JMY: variants seen among roughly 807,000 people sequenced by gnomAD.
The protein encoded by JMY is junction-mediating and -regulatory protein.
A neutral mutation model predicts 103.3 loss-of-function variants in JMY; 46 were observed. The observed-to-expected ratio is 0.45, with a 90% CI of 0.35 to 0.57. The LOEUF (loss-of-function observed/expected upper bound fraction) is 0.57, where lower values mean the gene tolerates loss of function less well. Ranked by LOEUF, JMY falls within the 20% of genes least tolerant of loss-of-function variation. JMY has a pLI of 0.00. For missense variants in JMY, 1,238 were observed against 1,255.2 expected (o/e 0.99, Z 0.21); for synonymous variants, 526 against 489.3 (o/e 1.07, Z -0.99).
intron 2 of JMY, among the ~76,000 whole-genome samples, chr5:79,287,875 G>A (rs1184431559): frequency 6.6e-6 from 1 of 152,142 alleles, no homozygotes; most frequent in Admixed American, 6.6e-5. Context: ...GTGTAATCAT[G>A]TCATTGAGAA....
intron 10 of JMY, among the ~76,000 whole-genome samples, chr5:79,316,777 G>A (rs1747237791): frequency 6.6e-6 from 1 of 151,646 alleles, no homozygotes; most frequent in Admixed American, 6.6e-5. Context: ...GTGGTGGCGG[G>A]CATCTGTAAT....
At chr5:79,277,589 G>A (rs1474838733) in intron 1 of JMY, among the ~76,000 whole-genome samples, 4 of 151,860 alleles carry the variant, frequency 2.6e-5, no homozygotes, top group South Asian at 2.1e-4. Flanking sequence ...AGCAAGCTGA[G>A]ATCGCACCAT....
At chr5:79,314,215 T>C in intron 8 of JMY, 42 bp from the exon 9 acceptor site, 3 of 1,548,608 alleles carry the variant, frequency 1.9e-6, no homozygotes, top group Non-Finnish European at 2.6e-6. Context: ...ATAAATTGTT[T>C]CAATAACATT....
chr5:79,304,328 A>G (rs1746821140), intron 6 of JMY, among the ~76,000 whole-genome samples: 1 of 152,190 alleles, frequency 6.6e-6, no homozygotes, highest in South Asian at 2.1e-4. Context: ...ATGTCTCCCT[A>G]TGTAACATAA....
At chr5:79,298,584 C>T (rs911327917) in intron 4 of JMY, among the ~76,000 whole-genome samples, 13 of 152,218 alleles carry the variant, frequency 8.5e-5, no homozygotes, top group African/African-American at 2.9e-4. Context: ...GGGTTATATA[C>T]GTTGTTTGTC....
intron 1 of JMY, among the ~76,000 whole-genome samples, chr5:79,239,527 C>T (rs1421538390): frequency 6.6e-6 from 1 of 152,148 alleles, no homozygotes; most frequent in African/African-American, 2.4e-5. Context: ...GACTGTCAGG[C>T]CGGTCGCGGT....
In JMY at chr5:79,322,376, C is replaced by CT. The variant is rs1245637785; in HGVS notation, c.*777dup. The CT allele has an allele frequency of 6.6e-6, 1 of 152,168 alleles. No individual in the cohort carries two copies. Among genetic ancestry groups the CT allele is most frequent in the African/African-American group, 2.4e-5 (1 of 41,434 alleles). The allele number at this position is 152,168 out of a possible 1,614,324, so 9.4% of individuals were successfully genotyped here. A position where few individuals can be genotyped will look rare whatever the true frequency, so the allele number is the denominator to read the frequency against. On this transcript the variant is annotated 3_prime_UTR_variant, in exon 11 of 11. Coordinates refer to ENST00000396137, the MANE Select transcript of JMY (RefSeq NM_152405.5). ...GCATCCTTGTTTATGGAAGGCAGTACTTTGATAATATTTCAAATTATTTTT... is the reference window on the plus strand; with the variant it reads ...GCATCCTTGTTTATGGAAGGCAGTACTTTTGATAATATTTCAAATTATTTTT...
chr5:79,246,601 G>T (rs769764507), intron 1 of JMY, among the ~76,000 whole-genome samples: 57 of 152,278 alleles, frequency 3.7e-4, no homozygotes, highest in Middle Eastern at 3.4e-3. Context: ...TAGGTATGTT[G>T]GCCGGGCACA....
intron 1 of JMY, among the ~76,000 whole-genome samples, chr5:79,263,557 C>A (rs1207901805): frequency 6.6e-6 from 1 of 152,154 alleles, no homozygotes; most frequent in Non-Finnish European, 1.5e-5. Context: ...CTACGCCTGG[C>A]TGATTTTTCA....
At chr5:79,247,158 A>G (rs1401372226) in intron 1 of JMY, among the ~76,000 whole-genome samples, 2 of 152,230 alleles carry the variant, frequency 1.3e-5, no homozygotes, top group Non-Finnish European at 2.9e-5. Flanking sequence ...CAATTGAAAT[A>G]TATGTTCAGT....
At chr5:79,266,359 G>C (rs959485137) in intron 1 of JMY, among the ~76,000 whole-genome samples, 1 of 152,222 alleles carries the variant, frequency 6.6e-6, no homozygotes, top group Non-Finnish European at 1.5e-5. Flanking sequence ...GCTGGGCACA[G>C]AGTGAGCAGT....
At chr5:79,272,424 CT>C (rs1056053934) in intron 1 of JMY, among the ~76,000 whole-genome samples, 10 of 151,364 alleles carry the variant, frequency 6.6e-5, no homozygotes, top group African/African-American at 2.2e-4. Context: ...TTTTGGTTTC[CT>C]TTTTTTTCTT....
chr5:79,281,299 C>T (rs1746103341), intron 2 of JMY, among the ~76,000 whole-genome samples: 1 of 151,232 alleles, frequency 6.6e-6, no homozygotes, highest in Non-Finnish European at 1.5e-5. Context: ...CCACCTCGGC[C>T]TCCCAAAGTG....
intron 1 of JMY, among the ~76,000 whole-genome samples, chr5:79,267,702 A>G (rs1416339109): frequency 6.6e-6 from 1 of 152,236 alleles, no homozygotes; most frequent in Non-Finnish European, 1.5e-5. Context: ...GGCCTGGGCC[A>G]CAGTGCCCAC....
At chr5:79,272,179 C>G (rs548047085) in intron 1 of JMY, among the ~76,000 whole-genome samples, 1 of 150,814 alleles carries the variant, frequency 6.6e-6, no homozygotes, top group Non-Finnish European at 1.5e-5. Context: ...AGTCTATCTA[C>G]TCTTTGATAT....
chr5:79,259,779 C>A (rs1460852686), intron 1 of JMY, among the ~76,000 whole-genome samples: 1 of 152,228 alleles, frequency 6.6e-6, no homozygotes, highest in Non-Finnish European at 1.5e-5. Flanking sequence ...TGAGGAAAGT[C>A]CAGGCAGTGG....
In JMY at chr5:79,316,248, G is replaced by C; in HGVS notation, c.2908G>C (p.Ala970Pro). ...IHEALRRIKEASPESEDEEEA... is the reference protein window; with the variant it reads ...IHEALRRIKEPSPESEDEEEA... The stretch of plus-strand genomic sequence containing the variant: ...TGAAGCTCTTAGAAGAATTAAAGAA[G>C]CATCCCCAGAGTCAGAGGACGAAGA... The change falls in exon 10 of 11, where the codon GCA (alanine) becomes CCA (proline). Residue 970 changes from alanine (A) to proline (P), a missense_variant. Physicochemically the swap from Ala to Pro is conservative, Grantham distance 27. Transcript: ENST00000396137. 1 of 1,613,960 alleles carries C rather than the reference G, an allele frequency of 6.2e-7. No individual in the cohort carries two copies. The highest frequency in any genetic ancestry group is 8.5e-7 in the Non-Finnish European group (1 of 1,179,926).
At chr5:79,268,386 G>A (rs1336669111) in intron 1 of JMY, among the ~76,000 whole-genome samples, 1 of 151,954 alleles carries the variant, frequency 6.6e-6, no homozygotes, top group African/African-American at 2.4e-5. Context: ...TCAGGGTTTT[G>A]GATTTTCACT....
chr5:79,284,121 A>C, intron 2 of JMY: 1 of 1,481,724 alleles, frequency 6.7e-7, no homozygotes, highest in South Asian at 1.3e-5. Flanking sequence ...CCACTATTTG[A>C]AGTCTGAACT....
Sources: gnomAD v4.1 joint callset for allele counts (sites outside exome capture counted in the v4.1 genomes callset) on GRCh38, gnomAD v4.1.1 for gene constraint, MANE v1.5 for transcripts, NCBI Gene and HGNC (gene_info 2026-07-23, HGNC 2026-07-21) for gene names.